Variants in CNTNAP4 observed in about 807,000 individuals in gnomAD.
CNTNAP4 encodes contactin associated protein family member 4, also known as contactin-associated protein-like 4.
In CNTNAP4, 98 loss-of-function variants were observed where a neutral mutation model predicts 148.4. The observed-to-expected ratio is 0.66, with a 90% CI of 0.56 to 0.78. CNTNAP4 has a LOEUF of 0.78. Among genes scored for constraint, CNTNAP4 ranks in the 30% least tolerant of loss-of-function variants. CNTNAP4 has a pLI of 0.00. For missense variants in CNTNAP4, 1,935 were observed against 1,565.6 expected, an observed-to-expected ratio of 1.24 and a Z score of -3.98; for synonymous variants, 730 against 565.1, an observed-to-expected ratio of 1.29 and a Z score of -4.14.
intron 10 of CNTNAP4, among the ~76,000 whole-genome samples, chr16:76,470,961 G>A (rs1443598678): frequency 1.3e-5 from 2 of 152,032 alleles, no homozygotes; most frequent in Non-Finnish European, 2.9e-5. Context: ...CCTCACACAC[G>A]TTTACACAAC....
At chr16:76,334,157 T>A (rs1963807693) in intron 2 of CNTNAP4, among the ~76,000 whole-genome samples, 1 of 148,850 alleles carries the variant, frequency 6.7e-6, no homozygotes, top group African/African-American at 2.5e-5. Context: ...GTTGTGCACA[T>A]GTACCCTAAA....
chr16:76,520,570 G>A (rs138182995), intron 15 of CNTNAP4, among the ~76,000 whole-genome samples: 71 of 152,258 alleles, frequency 4.7e-4, no homozygotes, highest in African/African-American at 1.6e-3. Flanking sequence ...TCATGAGAAT[G>A]TCAGCTTGGA....
At chr16:76,481,740 G>T (rs981063299) in intron 12 of CNTNAP4, among the ~76,000 whole-genome samples, 9 of 152,114 alleles carry the variant, frequency 5.9e-5, no homozygotes, top group African/African-American at 2.2e-4. Flanking sequence ...GGGGAGATTT[G>T]GTACTTAAAA....
intron 1 of CNTNAP4, among the ~76,000 whole-genome samples, chr16:76,280,056 G>T (rs958594389): frequency 2.0e-5 from 3 of 152,086 alleles, no homozygotes; most frequent in African/African-American, 7.2e-5. Flanking sequence ...TTCTGGACAA[G>T]ACTTTATATT....
intron 1 of CNTNAP4, among the ~76,000 whole-genome samples, chr16:76,300,942 A>T (rs1209708556): frequency 7.7e-6 from 1 of 129,598 alleles, no homozygotes; most frequent in African/African-American, 2.5e-5. Context: ...CCTTTTTTTT[A>T]AATTATTATT....
chr16:76,484,017 A>G (rs982447278), intron 12 of CNTNAP4, among the ~76,000 whole-genome samples: 2 of 151,896 alleles, frequency 1.3e-5, no homozygotes, highest in African/African-American at 2.4e-5. Flanking sequence ...TATTTTATTG[A>G]ATATATTATT....
intron 3 of CNTNAP4, among the ~76,000 whole-genome samples, chr16:76,365,418 A>G (rs1477945618): frequency 6.6e-6 from 1 of 152,098 alleles, no homozygotes; most frequent in Admixed American, 6.6e-5. Flanking sequence ...AAGAAAGTCA[A>G]TGGAGAAACT....
intron 3 of CNTNAP4, among the ~76,000 whole-genome samples, chr16:76,361,938 T>A (rs1357518143): frequency 2.0e-5 from 3 of 152,184 alleles, no homozygotes; most frequent in Non-Finnish European, 4.4e-5. Context: ...GTTGAGTATC[T>A]TTTCACCAAC....
intron 4 of CNTNAP4, among the ~76,000 whole-genome samples, chr16:76,435,887 C>T (rs1228668147): frequency 2.0e-5 from 3 of 152,116 alleles, no homozygotes; most frequent in Admixed American, 2.0e-4. Context: ...TCAGCCTGAT[C>T]TAATTCTATG....
intron 21 of CNTNAP4, among the ~76,000 whole-genome samples, chr16:76,545,959 C>T (rs866108310): frequency 6.6e-6 from 1 of 151,632 alleles, no homozygotes; most frequent in Non-Finnish European, 1.5e-5. Context: ...CGCTTGAACC[C>T]GAGAGGCGGA....
intron 3 of CNTNAP4, among the ~76,000 whole-genome samples, chr16:76,357,649 C>G (rs1384611968): frequency 2.0e-5 from 3 of 152,172 alleles, no homozygotes; most frequent in Non-Finnish European, 4.4e-5. Context: ...GTAAGAGCAC[C>G]TGGCATGTCA....
chr16:76,377,984 A>G lies in CNTNAP4; in HGVS notation c.390+22473A>G, dbSNP rs148027668. ...TCTAGAAGAATAAATTAAAGTTTTCAGGAGTTACACACCTCTCACAACTAC... is the reference window on the plus strand; with the variant it reads ...TCTAGAAGAATAAATTAAAGTTTTCGGGAGTTACACACCTCTCACAACTAC... On this transcript the variant is annotated intron_variant, in intron 3 of 23. Transcript: ENST00000611870. Among the ~76,000 whole-genome samples the G allele has an allele frequency of 1.1e-4, 17 of 152,336 alleles. No individual in the cohort carries two copies. The East Asian group carries it at 2.1e-3, about 19-fold the overall frequency.
intron 3 of CNTNAP4, among the ~76,000 whole-genome samples, chr16:76,413,892 G>A: frequency 6.6e-6 from 1 of 151,026 alleles, no homozygotes; most frequent in East Asian, 1.9e-4. Context: ...TGTTGCTTTT[G>A]TATAAATGTT....
In CNTNAP4 at chr16:76,558,489, G is replaced by T; in HGVS notation, c.3734-1G>T. 1.3e-6 allele frequency: 2 copies of T among 1,571,708 alleles called. No individual in the cohort carries two copies. Among genetic ancestry groups the T allele is most frequent in the Non-Finnish European group, 1.7e-6 (2 of 1,143,890 alleles). On this transcript the variant is annotated splice_acceptor_variant, in intron 23 of 23. Coordinates refer to ENST00000611870, the MANE Select transcript of CNTNAP4 (RefSeq NM_033401.5). LOFTEE classifies it high-confidence loss of function. ...ACTTTATATTTCTTTTCTCTCTCTA[G>T]GTCTGATAGCTGTTGTGATTTTTAT...
rs1178949569 is a variant in CNTNAP4 at position 76,506,279 on chromosome 16, G to T, written c.2365+7585G>T. Reference sequence around the variant, plus strand: ...TGTATAAAAATTACTTGGAGAGCTTGTTGTAGCACAGATTTCCACTCCTTA... The same window carrying T: ...TGTATAAAAATTACTTGGAGAGCTTTTTGTAGCACAGATTTCCACTCCTTA... On this transcript the variant is annotated intron_variant, in intron 15 of 23. Coordinates refer to ENST00000611870, the MANE Select transcript of CNTNAP4 (RefSeq NM_033401.5). Among the ~76,000 whole-genome samples, 2 of 94,704 alleles carry T rather than the reference G, an allele frequency of 2.1e-5. 1 individual carries two copies. Among genetic ancestry groups the T allele is most frequent in the Non-Finnish European group, 6.0e-5 (2 of 33,434 alleles). 62.1% of individuals were successfully genotyped at this position (94,704 alleles called of 152,430 possible).
chr16:76,333,316 T>C (rs1161145412), intron 2 of CNTNAP4, among the ~76,000 whole-genome samples: 1 of 152,192 alleles, frequency 6.6e-6, no homozygotes, highest in Non-Finnish European at 1.5e-5. Context: ...ATACATATGC[T>C]CAATCTATCT....
intron 1 of CNTNAP4, among the ~76,000 whole-genome samples, chr16:76,295,661 C>G (rs562364607): frequency 3.3e-5 from 5 of 152,160 alleles, no homozygotes; most frequent in Non-Finnish European, 7.3e-5. Flanking sequence ...ACTGACAGCA[C>G]GTCATGGCTG....
At chr16:76,516,191 T>C (rs2144051378) in intron 15 of CNTNAP4, among the ~76,000 whole-genome samples, 1 of 146,380 alleles carries the variant, frequency 6.8e-6, no homozygotes, top group African/African-American at 2.5e-5. Flanking sequence ...TAACATGTGG[T>C]GTTTGGTTTT....
chr16:76,452,424 G>C, intron 7 of CNTNAP4, 84 bp from the exon 8 acceptor site: 1 of 1,380,308 alleles, frequency 7.2e-7, no homozygotes, highest in Non-Finnish European at 1.0e-6. Context: ...CGGATAATGT[G>C]AGATTGAAAA....
Sources: allele counts gnomAD v4.1 joint callset (sites outside exome capture counted in the v4.1 genomes callset), GRCh38; gene constraint gnomAD v4.1.1; transcripts MANE v1.5; gene names NCBI Gene and HGNC (gene_info 2026-07-23, HGNC 2026-07-21).